Variants in TNPO2 observed in about 807,000 individuals in gnomAD.
TNPO2 encodes the protein transportin-2.
Under a neutral mutation model 111.1 loss-of-function variants are expected in TNPO2, and 16 were observed. That is an observed-to-expected ratio of 0.14 (90% CI 0.10 to 0.22). The LOEUF (loss-of-function observed/expected upper bound fraction) is 0.22, where lower values mean the gene tolerates loss of function less well. TNPO2 is among the 10% of genes least tolerant of loss of function. TNPO2 has a pLI of 1.00. For synonymous variants in TNPO2, 481 were observed against 475.8 expected (o/e 1.01, Z -0.14); for missense variants, 530 against 1,173.7 (o/e 0.45, Z 8.01).
Position 12,706,859 on chromosome 19 carries a change from G to C in TNPO2, c.1271-64C>G, listed in dbSNP as rs1224189833. On this transcript the variant is annotated intron_variant, in intron 13 of 25. Coordinates refer to ENST00000425528, the MANE Select transcript of TNPO2 (RefSeq NM_001382241.1). This position sits in a 1 kb window ranked among gnomAD's most constrained non-coding sequence, Gnocchi z 7.0. Reference sequence around the variant, plus strand: ...GGCCCAGCCACACCCACCGTATGGAGAGAAGAGTCAGCCGCACACAACATA... The same window carrying C: ...GGCCCAGCCACACCCACCGTATGGACAGAAGAGTCAGCCGCACACAACATA... The C allele has an allele frequency of 7.3e-7, 1 of 1,364,706 alleles. No individual in the cohort carries two copies. The highest frequency in any genetic ancestry group is 1.4e-5 in the African/African-American group (1 of 69,300). 84.5% of individuals were successfully genotyped at this position (1,364,706 alleles called of 1,614,324 possible).
chr19:12,707,487 T>C, intron 13 of TNPO2, among the ~76,000 whole-genome samples: 1 of 114,626 alleles, frequency 8.7e-6, no homozygotes. Context: ...TTCTTTTTTT[T>C]TTTTTTTTTT....
chr19:12,704,792 C>T (rs190048125), intron 18 of TNPO2, among the ~76,000 whole-genome samples: 32 of 152,134 alleles, frequency 2.1e-4, no homozygotes, highest in African/African-American at 7.5e-4. Flanking sequence ...AAGCAATTCT[C>T]CTGCCTCAGC....
At position 12,711,411 on chromosome 19, in the gene TNPO2, C is replaced by T; in HGVS notation, c.1002G>A (p.Lys334=). 1 of 1,614,036 alleles carries T rather than the reference C, an allele frequency of 6.2e-7. No homozygotes were observed. Among genetic ancestry groups the T allele is most frequent in the Non-Finnish European group, 8.5e-7 (1 of 1,179,892 alleles). The change falls in exon 12 of 26, where the codon AAG becomes AAA. Residue 334 remains lysine (K), a synonymous_variant. Transcript: ENST00000425528. ...CCGTGCGTGACTTGTGGAAGCGTGGCTTGATGTCCTGCTCACTGTCGGGGA... is the reference window on the plus strand; with the variant it reads ...CCGTGCGTGACTTGTGGAAGCGTGGTTTGATGTCCTGCTCACTGTCGGGGA... ...EAVPDSEQDI[K]PRFHKSRTVT...
chr19:12,701,649 A>T lies in TNPO2; in HGVS notation c.2535T>A (p.Ala845=), dbSNP rs373469369. The part of the protein sequence containing the change: ...VVQDFIFFCD[A]VASWVSPKDD... ...CCTTCGGGCTCACCCAGGAGGCTAC[A>T]GCATCGCAGAAGAAAATAAAGTCCT... Residue 845 remains alanine, a synonymous_variant, in exon 24 of 26, where the codon GCT becomes GCA. Transcript: ENST00000425528. The surrounding 1 kb of genome is among the most constrained non-coding windows in gnomAD (Gnocchi z 5.0). 86 of 1,613,778 alleles carry T rather than the reference A, an allele frequency of 5.3e-5. No homozygotes were observed. The highest frequency in any genetic ancestry group is 3.2e-4 in the Admixed American group (19 of 59,998).
Position 12,706,761 on chromosome 19 carries a change from C to G in TNPO2, c.1305G>C (p.Glu435Asp). The G allele has an allele frequency of 6.2e-7, 1 of 1,612,184 alleles. No homozygotes were observed. The highest frequency in any genetic ancestry group is 8.5e-7 in the Non-Finnish European group (1 of 1,179,154). Residue 435 changes from glutamate to aspartate, a missense_variant, in exon 14 of 26, where the codon GAG (glutamate) becomes GAC (aspartate). Glu to Asp is a conservative substitution (Grantham distance 45). This residue lies in a region of TNPO2 where 183 missense variants were observed against 481.0 expected (regional missense o/e 0.38). Coordinates refer to ENST00000425528, the MANE Select transcript of TNPO2 (RefSeq NM_001382241.1). This position sits in a 1 kb window ranked among gnomAD's most constrained non-coding sequence, Gnocchi z 7.0. The part of the protein sequence containing the change: ...CMQGMVPYLP[E>D]LIPHLIQCLS... Reference sequence around the variant, plus strand: ...GGCACTGGATCAGGTGCGGGATCAGCTCAGGCAGGTAGGGCACCATGCCCT... The same window carrying G: ...GGCACTGGATCAGGTGCGGGATCAGGTCAGGCAGGTAGGGCACCATGCCCT...
intron 18 of TNPO2, 41 bp from the exon 19 acceptor site, chr19:12,703,842 C>T (rs1364263175): frequency 3.9e-6 from 6 of 1,525,892 alleles, no homozygotes; most frequent in Non-Finnish European, 1.8e-6. Context: ...GGCTCCCCTC[C>T]TTCTAACCAG....
chr19:12,710,782 G>T lies in TNPO2; in HGVS notation c.1118-9C>A. ...AGCCGCTGAGCACTTCCCTGGGGAA[G>T]GGGGAACAATGGGGAGGCTCAGGGC... On this transcript the variant is annotated splice_polypyrimidine_tract_variant and intron_variant, in intron 12 of 25. Transcript: ENST00000425528. The T allele has an allele frequency of 6.2e-7, 1 of 1,603,968 alleles. No homozygotes were observed. The highest frequency in any genetic ancestry group is 1.1e-5 in the South Asian group (1 of 89,676).
chr19:12,704,714 A>G (rs1207435874), intron 18 of TNPO2, among the ~76,000 whole-genome samples: 2 of 151,692 alleles, frequency 1.3e-5, no homozygotes, highest in African/African-American at 4.8e-5. Flanking sequence ...ACAGAGTCTC[A>G]GTTTATTGCC....
rs2026293830 is a variant in TNPO2, at chr19:12,715,172, G to A, written c.649-3C>T. 1 of 1,611,926 alleles carries A rather than the reference G, an allele frequency of 6.2e-7. No homozygotes were observed. Among genetic ancestry groups the A allele is most frequent in the African/African-American group, 1.3e-5 (1 of 75,010 alleles). On this transcript the variant is annotated splice_polypyrimidine_tract_variant and splice_region_variant and intron_variant, in intron 8 of 25. Coordinates refer to ENST00000425528, the MANE Select transcript of TNPO2 (RefSeq NM_001382241.1). This position sits in a 1 kb window ranked among gnomAD's most constrained non-coding sequence, Gnocchi z 7.1. ...TCCACAGCCAGGGCAAATAGGTGCTGCAGGGAGGAACAGGGTCAGTTGTAG... is the reference window on the plus strand; with the variant it reads ...TCCACAGCCAGGGCAAATAGGTGCTACAGGGAGGAACAGGGTCAGTTGTAG...
At position 12,702,227 on chromosome 19, in the gene TNPO2, A is replaced by G. The variant is rs1345076459; in HGVS notation, c.2306-50T>C. On this transcript the variant is annotated intron_variant, in intron 21 of 25. Transcript: ENST00000425528. The surrounding 1 kb of genome is among the most constrained non-coding windows in gnomAD (Gnocchi z 5.5). ...CGGTACGTGGCGGGGCCTCTGGCACAAGGCACCAAGCCCCGCCCCATGAGC... is the reference window on the plus strand; with the variant it reads ...CGGTACGTGGCGGGGCCTCTGGCACGAGGCACCAAGCCCCGCCCCATGAGC... The G allele has an allele frequency of 1.9e-5, 28 of 1,510,640 alleles. No individual in the cohort carries two copies. The highest frequency in any genetic ancestry group is 2.5e-5 in the Non-Finnish European group (28 of 1,101,298). The allele number at this position is 1,510,640 out of a possible 1,614,324, so 93.6% of individuals were successfully genotyped here. A position where few individuals can be genotyped will look rare whatever the true frequency, so the allele number is the denominator to read the frequency against.
At position 12,705,958 on chromosome 19, in the gene TNPO2, C is replaced by T. The variant is rs1365852609; in HGVS notation, c.1669-190G>A. 1 of 640,842 alleles carries T rather than the reference C, an allele frequency of 1.6e-6. No homozygotes were observed. Among genetic ancestry groups the T allele is most frequent in the South Asian group, 2.0e-5 (1 of 50,064 alleles). The allele number at this position is 640,842 out of a possible 1,614,324, so 39.7% of individuals were successfully genotyped here. On this transcript the variant is annotated intron_variant, in intron 15 of 25. Coordinates refer to ENST00000425528, the MANE Select transcript of TNPO2 (RefSeq NM_001382241.1). The surrounding 1 kb of genome is among the most constrained non-coding windows in gnomAD (Gnocchi z 7.2). ...TCCAAGCACCGCCCGCCCCACCCCA[C>T]CCCCCGGGAGCCTGGGTTACCACCT...
chr19:12,722,602 A>G (rs1160341648), intron 2 of TNPO2: 1 of 151,198 alleles, frequency 6.6e-6, no homozygotes, highest in African/African-American at 2.4e-5. Flanking sequence ...AAGAAAAAAA[A>G]AAAAGAAAAA....
intron 13 of TNPO2, among the ~76,000 whole-genome samples, chr19:12,710,108 C>T (rs1021053749): frequency 2.6e-5 from 4 of 152,078 alleles, no homozygotes; most frequent in Admixed American, 6.6e-5. Flanking sequence ...GATTACAGAA[C>T]ACCAGGTTGA....
chr19:12,711,265 CCCA>C, intron 12 of TNPO2, 28 bp downstream of exon 12: 1 of 1,604,466 alleles, frequency 6.2e-7, no homozygotes. Context: ...GGCTTGCCAC[CCCA>C]CCACCACCCC....
chr19:12,713,109 A>G (rs927754497), intron 10 of TNPO2, among the ~76,000 whole-genome samples: 15 of 152,156 alleles, frequency 9.9e-5, no homozygotes, highest in African/African-American at 3.4e-4. Context: ...CCCTGAATAC[A>G]CTGAAAATCT....
In TNPO2 at chr19:12,706,850, C is replaced by G; in HGVS notation, c.1271-55G>C. ...GTTTGATTGGGCCCAGCCACACCCA[C>G]CGTATGGAGAGAAGAGTCAGCCGCA... On this transcript the variant is annotated intron_variant, in intron 13 of 25. Coordinates refer to ENST00000425528, the MANE Select transcript of TNPO2 (RefSeq NM_001382241.1). The surrounding 1 kb of genome is among the most constrained non-coding windows in gnomAD (Gnocchi z 7.0). The G allele has an allele frequency of 7.0e-7, 1 of 1,434,428 alleles. No homozygotes were observed. Among genetic ancestry groups the G allele is most frequent in the East Asian group, 2.5e-5 (1 of 40,564 alleles). The allele number at this position is 1,434,428 out of a possible 1,614,324, so 88.9% of individuals were successfully genotyped here.
rs2026542641 is a variant in TNPO2 at position 12,719,385 on chromosome 19, G to A, written c.100-49C>T. On this transcript the variant is annotated intron_variant, in intron 3 of 25. Transcript: ENST00000425528. The surrounding 1 kb of genome is among the most constrained non-coding windows in gnomAD (Gnocchi z 5.0). ...GAAGACAGAGGCCTTCCCCCAGCCA[G>A]GTCCCCTCATTATGTACCTGACACT... 6.5e-7 allele frequency: 1 copy of A among 1,539,634 alleles called. No individual in the cohort carries two copies. The highest frequency in any genetic ancestry group is 9.0e-7 in the Non-Finnish European group (1 of 1,116,594).
chr19:12,717,164 T>C (rs2026407711), intron 5 of TNPO2, among the ~76,000 whole-genome samples: 1 of 151,648 alleles, frequency 6.6e-6, no homozygotes, highest in Non-Finnish European at 1.5e-5. Context: ...TGTGGAACTT[T>C]AGCCACACCC....
At chr19:12,714,320 T>G (rs896338545) in intron 10 of TNPO2, among the ~76,000 whole-genome samples, 2 of 151,450 alleles carry the variant, frequency 1.3e-5, no homozygotes, top group African/African-American at 4.9e-5. Context: ...ATTTCTTTTT[T>G]TTTTTTTTTT....
Sources: gnomAD v4.1 joint callset for allele counts (sites outside exome capture counted in the v4.1 genomes callset) on GRCh38, gnomAD v4.1.1 for gene constraint, gnomAD v4.1.1 regional missense constraint, Gnocchi (gnomAD v3.1) non-coding constraint, MANE v1.5 for transcripts, NCBI Gene and HGNC (gene_info 2026-07-23, HGNC 2026-07-21) for gene names.